The following PBRM1 variants were observed in gnomAD, a reference collection of about 807,000 sequenced individuals.
PBRM1 encodes polybromo 1.
In PBRM1, 27 loss-of-function variants were observed where a neutral mutation model predicts 194.5. The observed-to-expected ratio is 0.14, with a 90% CI of 0.10 to 0.19. The LOEUF (loss-of-function observed/expected upper bound fraction) is 0.19, where lower values mean the gene tolerates loss of function less well. Among genes scored for constraint, PBRM1 ranks in the 10% least tolerant of loss-of-function variants. PBRM1 has a pLI of 1.00. For missense variants in PBRM1, 1,466 were observed against 2,077.2 expected (o/e 0.71, Z 5.72); for synonymous variants, 655 against 693.2 (o/e 0.94, Z 0.87).
chr3:52,635,285 G>A (rs1203410851), intron 10 of PBRM1, among the ~76,000 whole-genome samples: 2 of 152,060 alleles, frequency 1.3e-5, no homozygotes, highest in Non-Finnish European at 2.9e-5. Context: ...TAGTCTCTAA[G>A]GCTGGGTGTG....
intron 4 of PBRM1, among the ~76,000 whole-genome samples, chr3:52,661,421 T>A (rs1407830815): frequency 1.3e-5 from 2 of 152,174 alleles, no homozygotes; most frequent in African/African-American, 2.4e-5. Context: ...GATACCTGCT[T>A]AGGAGCTATC....
chr3:52,627,191 T>TA (rs2095474890), intron 13 of PBRM1, 82 bp downstream of exon 14: 2 of 741,696 alleles, frequency 2.7e-6, no homozygotes, highest in East Asian at 2.6e-5. Flanking sequence ...CTTGATAGCT[T>TA]AAAAAATATA....
At chr3:52,574,589 C>T (rs889805739) in intron 22 of PBRM1, among the ~76,000 whole-genome samples, 18 of 152,148 alleles carry the variant, frequency 1.2e-4, no homozygotes, top group African/African-American at 2.9e-4. Flanking sequence ...CCACACATTC[C>T]TGGGAGCCTA....
chr3:52,671,494 T>C (rs947724385), intron 2 of PBRM1, among the ~76,000 whole-genome samples: 1 of 152,208 alleles, frequency 6.6e-6, no homozygotes, highest in Non-Finnish European at 1.5e-5. Context: ...ACATAATGGT[T>C]AAGAGCACAG....
At chr3:52,649,361 G>T (rs146048329) in intron 6 of PBRM1, among the ~76,000 whole-genome samples, 119 of 152,198 alleles carry the variant, frequency 7.8e-4, no homozygotes, top group African/African-American at 2.8e-3. Flanking sequence ...TTCATGCTTG[G>T]GTCTAAAGGG....
intron 5 of PBRM1, among the ~76,000 whole-genome samples, chr3:52,652,926 A>G (rs528724379): frequency 6.6e-6 from 1 of 152,200 alleles, no homozygotes; most frequent in African/African-American, 2.4e-5. Context: ...TGAGCGCAGG[A>G]GATGGAGGTT....
At chr3:52,613,413 G>A (rs561106200) in intron 15 of PBRM1, among the ~76,000 whole-genome samples, 56 of 150,964 alleles carry the variant, frequency 3.7e-4, no homozygotes, top group African/African-American at 1.3e-3. Context: ...AGGGTTCACT[G>A]CAGCCTTGAC....
chr3:52,679,470 TA>T, intron 1 of PBRM1, 103 bp downstream of exon 2: 1 of 1,018,536 alleles, frequency 9.8e-7, no homozygotes, highest in Non-Finnish European at 1.5e-6. Flanking sequence ...AAGAGAATCT[TA>T]AAAAAGTGGA....
rs147488144 is a variant in PBRM1, at chr3:52,627,335, G to A, written c.1479C>T (p.Ile493=). Residue 493 remains isoleucine (I), a synonymous_variant, in exon 13 of 30, where the codon ATC becomes ATT. Transcript: ENST00000296302. ...AAGAGATCATGCTGTCTCCGTCCTCGATATCGTCTCTCCTGGCAAGCTCTT... is the reference window on the plus strand; with the variant it reads ...AAGAGATCATGCTGTCTCCGTCCTCAATATCGTCTCTCCTGGCAAGCTCTT... The A allele has an allele frequency of 6.1e-3, 9,890 of 1,613,310 alleles. 51 individuals carry two copies. Among genetic ancestry groups the A allele is most frequent in the Non-Finnish European group, 7.4e-3 (8,738 of 1,179,314 alleles).
chr3:52,567,080 A>T (rs1353521365), intron 22 of PBRM1, among the ~76,000 whole-genome samples: 1 of 152,016 alleles, frequency 6.6e-6, no homozygotes, highest in Non-Finnish European at 1.5e-5. Context: ...AAAAAAAAAA[A>T]AAAAAGGTTA....
intron 17 of PBRM1, among the ~76,000 whole-genome samples, chr3:52,594,890 A>G (rs1023557821): frequency 6.6e-6 from 1 of 152,154 alleles, no homozygotes; most frequent in Non-Finnish European, 1.5e-5. Context: ...AATGTTGAAT[A>G]TAGGCCCCCA....
chr3:52,669,717 T>C (rs2096910046), intron 2 of PBRM1, among the ~76,000 whole-genome samples: 1 of 152,182 alleles, frequency 6.6e-6, no homozygotes, highest in Non-Finnish European at 1.5e-5. Flanking sequence ...TATTCTGACA[T>C]AAAAGTTGCA....
At chr3:52,680,186 G>A (rs1025215698), upstream of PBRM1, among the ~76,000 whole-genome samples, 1 of 152,128 alleles carries the variant, frequency 6.6e-6, no homozygotes, top group African/African-American at 2.4e-5. Context: ...TCATTTGCTA[G>A]GTGGGCCATC....
chr3:52,547,937 T>C (rs906532348), downstream of PBRM1: 54 of 688,950 alleles, frequency 7.8e-5, no homozygotes, highest in Non-Finnish European at 1.1e-4. Flanking sequence ...AAAATGGCCT[T>C]GTGATGTACA....
intron 17 of PBRM1, among the ~76,000 whole-genome samples, chr3:52,593,948 G>A (rs1340918204): frequency 6.6e-6 from 1 of 152,160 alleles, no homozygotes. Context: ...AGGTACATTT[G>A]GCCCAGTGTT....
intron 10 of PBRM1, among the ~76,000 whole-genome samples, chr3:52,639,569 A>T (rs903571728): frequency 6.6e-6 from 1 of 151,078 alleles, no homozygotes; most frequent in Non-Finnish European, 1.5e-5. Flanking sequence ...TATTTTTTAA[A>T]TTTTTCTTGT....
intron 5 of PBRM1, 50 bp downstream of exon 6, chr3:52,658,149 T>G (rs2096645365): frequency 1.2e-6 from 1 of 847,252 alleles, no homozygotes; most frequent in Non-Finnish European, 2.0e-6. Flanking sequence ...ATTCTTGAAG[T>G]ACTAAAAACA....
chr3:52,607,233 T>C (rs758665744), intron 16 of PBRM1, among the ~76,000 whole-genome samples: 1 of 152,196 alleles, frequency 6.6e-6, no homozygotes, highest in Non-Finnish European at 1.5e-5. Context: ...ATCACAATAC[T>C]ATCTTTGTTC....
chr3:52,571,783 G>A (rs1246750455), intron 22 of PBRM1, among the ~76,000 whole-genome samples: 3 of 148,716 alleles, frequency 2.0e-5, no homozygotes, highest in Admixed American at 6.7e-5. Context: ...CACTTTCGGG[G>A]AGGCTGAGCA....
Sources: allele counts gnomAD v4.1 joint callset (sites outside exome capture counted in the v4.1 genomes callset), GRCh38; gene constraint gnomAD v4.1.1; transcripts MANE v1.5; gene names NCBI Gene and HGNC (gene_info 2026-07-23, HGNC 2026-07-21).